The following SLC35D4 variants were observed in gnomAD, a reference collection of about 807,000 sequenced individuals.
The protein encoded by SLC35D4 is solute carrier family 35 member D4, also known as UDP-N-acetylglucosamine transporter SLC35D4.
chr18:23,251,025 A>G, the SLC35D4 span, among the ~76,000 whole-genome samples: 1 of 152,266 alleles, frequency 6.6e-6, no homozygotes, highest in Non-Finnish European at 1.5e-5. Context: ...GGAGGTGTCC[A>G]GAGAAAGCCA....
the SLC35D4 span, among the ~76,000 whole-genome samples, chr18:23,350,341 G>A: frequency 1.7e-4 from 26 of 152,170 alleles, no homozygotes; most frequent in African/African-American, 6.0e-4. Flanking sequence ...CAGAAATTTT[G>A]CTCCAACACC....
At chr18:23,329,062 G>T in the SLC35D4 span, among the ~76,000 whole-genome samples, 31 of 152,150 alleles carry the variant, frequency 2.0e-4, no homozygotes, top group African/African-American at 7.0e-4. Flanking sequence ...AATTCAAGAT[G>T]GACTAAAGAC....
the SLC35D4 span, among the ~76,000 whole-genome samples, chr18:23,385,401 G>A: frequency 1.1e-4 from 16 of 152,210 alleles, no homozygotes; most frequent in Admixed American, 8.5e-4. Context: ...AGTGCACCCC[G>A]CCCGGCACAC....
the SLC35D4 span, among the ~76,000 whole-genome samples, chr18:23,305,967 T>C: frequency 6.6e-6 from 1 of 152,214 alleles, no homozygotes; most frequent in Non-Finnish European, 1.5e-5. Flanking sequence ...AGATGCACGG[T>C]TACCTTTTAG....
the SLC35D4 span, among the ~76,000 whole-genome samples, chr18:23,362,593 T>G: frequency 6.6e-6 from 1 of 152,022 alleles, no homozygotes. Flanking sequence ...AGCGAGACTC[T>G]GTCTCAAACA....
At chr18:23,432,837 C>T in the SLC35D4 span, among the ~76,000 whole-genome samples, 4 of 151,568 alleles carry the variant, frequency 2.6e-5, no homozygotes, top group South Asian at 2.1e-4. Flanking sequence ...AAAAATTAGC[C>T]GGACATGGTT....
At chr18:23,302,698 G>A in the SLC35D4 span, among the ~76,000 whole-genome samples, 1 of 152,182 alleles carries the variant, frequency 6.6e-6, no homozygotes, top group Admixed American at 6.5e-5. Context: ...CCAGCCCTTT[G>A]GTGGAATGCA....
chr18:23,247,981 C>T, the SLC35D4 span, among the ~76,000 whole-genome samples: 74 of 152,316 alleles, frequency 4.9e-4, no homozygotes, highest in East Asian at 1.9e-3. Flanking sequence ...GATTTTTCCC[C>T]GCCTCTCTGT....
the SLC35D4 span, among the ~76,000 whole-genome samples, chr18:23,353,251 G>A: frequency 6.6e-6 from 1 of 152,136 alleles, no homozygotes; most frequent in South Asian, 2.1e-4. Context: ...CCAAGCTAGA[G>A]AGGCAAGCCC....
At chr18:23,368,755 G>T in the SLC35D4 span, 2 of 1,448,988 alleles carry the variant, frequency 1.4e-6, no homozygotes, top group African/African-American at 1.4e-5. Flanking sequence ...ATGTCACTAA[G>T]GAATGAGAGA....
chr18:23,389,388 G>A, the SLC35D4 span, among the ~76,000 whole-genome samples: 1 of 152,052 alleles, frequency 6.6e-6, no homozygotes, highest in Admixed American at 6.6e-5. Flanking sequence ...TTTTAAAAAG[G>A]CTTTCTTCTA....
At chr18:23,408,328 C>T in the SLC35D4 span, among the ~76,000 whole-genome samples, 3 of 152,228 alleles carry the variant, frequency 2.0e-5, no homozygotes, top group Non-Finnish European at 4.4e-5. Flanking sequence ...CCCTGCACAT[C>T]TCCAGCACCA....
chr18:23,432,738 T>C, the SLC35D4 span, among the ~76,000 whole-genome samples: 1 of 149,986 alleles, frequency 6.7e-6, no homozygotes, highest in East Asian at 2.0e-4. Context: ...ACGCCTGTAA[T>C]TCCAGCACTT....
chr18:23,285,615 C>A, the SLC35D4 span, among the ~76,000 whole-genome samples: 3 of 152,162 alleles, frequency 2.0e-5, no homozygotes, highest in Non-Finnish European at 4.4e-5. Context: ...AATCTTCCTT[C>A]TTTCCCTTCC....
the SLC35D4 span, among the ~76,000 whole-genome samples, chr18:23,270,423 G>A: frequency 2.4e-4 from 37 of 152,354 alleles, no homozygotes; most frequent in Middle Eastern, 6.8e-3. Context: ...CTAGGGCAGT[G>A]TGGATGGGAA....
At chr18:23,425,937 T>A in the SLC35D4 span, among the ~76,000 whole-genome samples, 1 of 152,004 alleles carries the variant, frequency 6.6e-6, no homozygotes, top group Non-Finnish European at 1.5e-5. Flanking sequence ...AAAGCTTGAA[T>A]AAAGCTTTAA....
At chr18:23,253,493 C>CA in the SLC35D4 span, among the ~76,000 whole-genome samples, 2 of 151,984 alleles carry the variant, frequency 1.3e-5, 1 homozygote, top group South Asian at 4.1e-4. Context: ...AAAAGAAAAA[C>CA]AAAAAAAGTA....
chr18:23,365,282 T>A, the SLC35D4 span, among the ~76,000 whole-genome samples: 3 of 152,148 alleles, frequency 2.0e-5, no homozygotes, highest in African/African-American at 7.2e-5. Context: ...ACTTTTGAAC[T>A]TTTTCACCAA....
At chr18:23,248,532 TTTTTTTA>T in the SLC35D4 span, among the ~76,000 whole-genome samples, 3 of 137,328 alleles carry the variant, frequency 2.2e-5, no homozygotes, top group Admixed American at 8.4e-5. Context: ...TTTTTTTTTT[TTTTTTTA>T]AAAAAAGGCT....
Sources: allele counts gnomAD v4.1 joint callset (sites outside exome capture counted in the v4.1 genomes callset), GRCh38; gene constraint gnomAD v4.1.1; transcripts MANE v1.5; gene names NCBI Gene and HGNC (gene_info 2026-07-23, HGNC 2026-07-21).